ACBD6: variants seen among roughly 807,000 people sequenced by gnomAD.
The protein encoded by ACBD6 is acyl-CoA-binding domain-containing protein 6.
A neutral mutation model predicts 37.2 loss-of-function variants in ACBD6; 28 were observed. That is an observed-to-expected ratio of 0.75 (90% CI 0.56 to 1.03). The LOEUF (loss-of-function observed/expected upper bound fraction) is 1.03, where lower values mean the gene tolerates loss of function less well. Ranked by LOEUF, ACBD6 falls within the 50% of genes least tolerant of loss-of-function variation. The probability of loss-of-function intolerance (pLI) is 0.00; values close to 1 mark genes in which losing one functional copy is unlikely to be tolerated. For synonymous variants in ACBD6, 113 were observed against 126.8 expected (o/e 0.89, Z 0.73); for missense variants, 340 against 337.4 (o/e 1.01, Z -0.06).
intron 3 of ACBD6, among the ~76,000 whole-genome samples, chr1:180,470,718 ACAC>A (rs2102056518): frequency 6.6e-6 from 1 of 152,356 alleles, no homozygotes; most frequent in African/African-American, 2.4e-5. Flanking sequence ...AGAAAAGACA[ACAC>A]CACAGTTTTA....
chr1:180,495,085 T>C (rs1206245919), intron 2 of ACBD6, among the ~76,000 whole-genome samples: 1 of 152,196 alleles, frequency 6.6e-6, no homozygotes, highest in Non-Finnish European at 1.5e-5. Flanking sequence ...AATGGGGATT[T>C]ATCCTGCTCT....
At chr1:180,415,169 C>T (rs77948763) in intron 4 of ACBD6, among the ~76,000 whole-genome samples, 3 of 151,938 alleles carry the variant, frequency 2.0e-5, no homozygotes, top group Non-Finnish European at 4.4e-5. Context: ...GAGGCCAAGG[C>T]GGGTGGATCA....
intron 3 of ACBD6, among the ~76,000 whole-genome samples, chr1:180,436,638 G>A (rs58635457): frequency 1.2e-4 from 19 of 152,258 alleles, no homozygotes; most frequent in African/African-American, 4.3e-4. Context: ...ACAACACTCA[G>A]AATCTAAATT....
chr1:180,434,795 C>A (rs138913897), intron 3 of ACBD6: 2 of 691,666 alleles, frequency 2.9e-6, no homozygotes, highest in South Asian at 1.5e-5. Flanking sequence ...GCCTCTAAGC[C>A]GAAGGTGGCT....
intron 6 of ACBD6, among the ~76,000 whole-genome samples, chr1:180,376,096 A>C (rs1354821065): frequency 6.6e-6 from 1 of 152,234 alleles, no homozygotes; most frequent in Non-Finnish European, 1.5e-5. Flanking sequence ...GAACTCACTC[A>C]TAATTAGAGA....
chr1:180,277,321 T>C (rs1156906276), intron 9 of ACBD6: 1 of 152,238 alleles, frequency 6.6e-6, no homozygotes, highest in African/African-American at 2.4e-5. Context: ...CCTCTGTTGC[T>C]TGGAAGTCTA....
At chr1:180,445,851 A>G (rs1475409944) in intron 3 of ACBD6, among the ~76,000 whole-genome samples, 3 of 152,250 alleles carry the variant, frequency 2.0e-5, no homozygotes, top group Non-Finnish European at 2.9e-5. Flanking sequence ...CCAATGCCAC[A>G]GAAGTGGCAG....
At chr1:180,298,564 T>C (rs1650007286) in intron 7 of ACBD6, among the ~76,000 whole-genome samples, 1 of 152,206 alleles carries the variant, frequency 6.6e-6, no homozygotes, top group Non-Finnish European at 1.5e-5. Flanking sequence ...AACCCAGGTA[T>C]GGAGCTTAAG....
At chr1:180,451,386 T>C (rs1405199518) in intron 3 of ACBD6, among the ~76,000 whole-genome samples, 1 of 152,102 alleles carries the variant, frequency 6.6e-6, no homozygotes, top group Non-Finnish European at 1.5e-5. Context: ...TATATATCCA[T>C]TAGAAATAAA....
intron 3 of ACBD6, among the ~76,000 whole-genome samples, chr1:180,434,503 C>T (rs910082593): frequency 6.6e-6 from 1 of 152,208 alleles, no homozygotes; most frequent in Admixed American, 6.5e-5. Flanking sequence ...CAATTGTCAT[C>T]TATTGCATCT....
intron 3 of ACBD6, among the ~76,000 whole-genome samples, chr1:180,453,652 T>G (rs1571531890): frequency 6.6e-6 from 1 of 152,146 alleles, no homozygotes; most frequent in East Asian, 1.9e-4. Flanking sequence ...AAAACCCCAT[T>G]GTCATAGCCC....
chr1:180,381,457 T>C (rs1396961903), intron 6 of ACBD6, among the ~76,000 whole-genome samples: 3 of 152,168 alleles, frequency 2.0e-5, no homozygotes, highest in Admixed American at 2.0e-4. Context: ...GGACAGACCA[T>C]ACATTAGGTC....
chr1:180,285,635 C>T (rs1036153249), downstream of ACBD6, among the ~76,000 whole-genome samples: 1 of 152,044 alleles, frequency 6.6e-6, no homozygotes, highest in Non-Finnish European at 1.5e-5. Context: ...CTTCTGCAAC[C>T]CAAGCTCAGC....
chr1:180,271,004 GTTCACC>G (rs1571292611), exon 14 of ACBD6: 1 of 328,470 alleles, frequency 3.0e-6, no homozygotes, highest in East Asian at 7.7e-5. Flanking sequence ...CAACCTGGCT[GTTCACC>G]TTCACAGCTC....
chr1:180,303,323 T>G (rs2149284944), intron 7 of ACBD6, among the ~76,000 whole-genome samples: 1 of 150,988 alleles, frequency 6.6e-6, no homozygotes, highest in South Asian at 2.1e-4. Flanking sequence ...AGGAGCTGGT[T>G]TTTTGAAAAG....
At chr1:180,466,034 T>G (rs1266214305) in intron 3 of ACBD6, among the ~76,000 whole-genome samples, 1 of 151,990 alleles carries the variant, frequency 6.6e-6, no homozygotes, top group Non-Finnish European at 1.5e-5. Flanking sequence ...GAAAAGATAA[T>G]TATTGGGTAT....
At chr1:180,499,757 C>T (rs1425577147) in intron 1 of ACBD6, among the ~76,000 whole-genome samples, 1 of 151,942 alleles carries the variant, frequency 6.6e-6, no homozygotes, top group East Asian at 1.9e-4. Context: ...AACAAATGAC[C>T]AAAGAGAAAA....
exon 11 of ACBD6, chr1:180,274,081 T>A (rs1648864504): frequency 6.9e-7 from 1 of 1,445,352 alleles, no homozygotes; most frequent in African/African-American, 1.4e-5. Context: ...GCAGCTGCCA[T>A]CCTTGGGCAT....
chr1:180,478,743 C>A (rs1346838157), intron 3 of ACBD6, among the ~76,000 whole-genome samples: 1 of 152,116 alleles, frequency 6.6e-6, no homozygotes, highest in Non-Finnish European at 1.5e-5. Context: ...CTTGGCCTCC[C>A]AAAGTGCTGG....
Sources: allele counts gnomAD v4.1 joint callset (sites outside exome capture counted in the v4.1 genomes callset), GRCh38; gene constraint gnomAD v4.1.1; transcripts MANE v1.5; gene names NCBI Gene and HGNC (gene_info 2026-07-23, HGNC 2026-07-21).